The following PRKCE variants were observed in gnomAD, a reference collection of about 807,000 sequenced individuals.
PRKCE encodes protein kinase C epsilon.
Under a neutral mutation model 85.4 loss-of-function variants are expected in PRKCE, and 16 were observed. The ratio of observed to expected loss-of-function variants is 0.19; its 90% CI spans 0.13 to 0.28. The LOEUF is 0.28. Among genes scored for constraint, PRKCE ranks in the 10% least tolerant of loss-of-function variants. The pLI is 1.00. For synonymous variants in PRKCE, 388 were observed against 371.5 expected (o/e 1.04, Z -0.51); for missense variants, 573 against 975.2 (o/e 0.59, Z 5.49).
chr2:45,920,284 GCTTT>G (rs140535988), intron 2 of PRKCE, among the ~76,000 whole-genome samples: 1 of 152,328 alleles, frequency 6.6e-6, no homozygotes, highest in East Asian at 1.9e-4. Context: ...TCAGCTTGGG[GCTTT>G]CTAACTGCCC....
rs996220406 is a variant in PRKCE at position 45,895,064 on chromosome 2, C to T, written c.412+52001C>T. The stretch of plus-strand genomic sequence containing the variant: ...AACACATAAATGTCATCAATGATTC[C>T]GTCTCTACCTGGGTAAACTTCAGAA... On this transcript the variant is annotated intron_variant, in intron 2 of 14. Coordinates refer to ENST00000306156, the MANE Select transcript of PRKCE (RefSeq NM_005400.3). The surrounding 1 kb of genome is among the most constrained non-coding windows in gnomAD (Gnocchi z 4.8). Among the ~76,000 whole-genome samples, 8 of 152,304 alleles carry T rather than the reference C, an allele frequency of 5.3e-5. No homozygotes were observed. In the East Asian group the frequency reaches 5.8e-4, roughly 11 times the overall value.
intron 10 of PRKCE, among the ~76,000 whole-genome samples, chr2:46,081,034 C>T (rs532102847): frequency 1.7e-3 from 253 of 152,206 alleles, no homozygotes; most frequent in Non-Finnish European, 2.8e-3. Context: ...CCGTGTTGCC[C>T]AGGCTGGAGC....
chr2:45,737,595 A>G (rs1180332645), intron 1 of PRKCE, among the ~76,000 whole-genome samples: 2 of 151,834 alleles, frequency 1.3e-5, no homozygotes, highest in Non-Finnish European at 2.9e-5. Context: ...CTCGCCTGTG[A>G]TGTGTAGATG....
At chr2:46,012,835 G>A (rs1407475745) in intron 10 of PRKCE, among the ~76,000 whole-genome samples, 1 of 152,222 alleles carries the variant, frequency 6.6e-6, no homozygotes, top group Admixed American at 6.5e-5. Flanking sequence ...AGCTTTTGGA[G>A]CACAAAATGG....
intron 11 of PRKCE, among the ~76,000 whole-genome samples, chr2:46,129,587 G>A (rs965905514): frequency 6.6e-6 from 1 of 152,190 alleles, no homozygotes; most frequent in South Asian, 2.1e-4. Flanking sequence ...CTATGAAAAG[G>A]AGCAAGCTGA....
intron 10 of PRKCE, among the ~76,000 whole-genome samples, chr2:46,069,836 T>C (rs751009968): frequency 6.6e-6 from 1 of 152,236 alleles, no homozygotes; most frequent in Non-Finnish European, 1.5e-5. Context: ...TAGTTCCAGA[T>C]TGGCAATTTT....
chr2:46,034,461 T>G (rs1331921308), intron 10 of PRKCE, among the ~76,000 whole-genome samples: 1 of 152,216 alleles, frequency 6.6e-6, no homozygotes, highest in Non-Finnish European at 1.5e-5. Flanking sequence ...GGTCGGAGTA[T>G]CTTCCATTCC....
At chr2:45,757,216 G>A (rs1374428632) in intron 1 of PRKCE, among the ~76,000 whole-genome samples, 1 of 148,440 alleles carries the variant, frequency 6.7e-6, no homozygotes, top group Non-Finnish European at 1.5e-5. Flanking sequence ...GCTGAGGCAG[G>A]AGAATCACTT....
intron 14 of PRKCE, among the ~76,000 whole-genome samples, chr2:46,171,338 T>G (rs1678874728): frequency 6.6e-6 from 1 of 152,092 alleles, no homozygotes; most frequent in Non-Finnish European, 1.5e-5. Context: ...GACTTGGTGG[T>G]GATGGTGGCC....
intron 10 of PRKCE, among the ~76,000 whole-genome samples, chr2:46,052,816 C>G (rs1708938445): frequency 6.6e-6 from 1 of 152,190 alleles, no homozygotes; most frequent in Non-Finnish European, 1.5e-5. Flanking sequence ...TATAGGTCAA[C>G]AGAACAGAGT....
chr2:46,027,518 A>G (rs1322246835), intron 10 of PRKCE, among the ~76,000 whole-genome samples: 1 of 152,212 alleles, frequency 6.6e-6, no homozygotes, highest in Non-Finnish European at 1.5e-5. Flanking sequence ...TTTGATCTTT[A>G]AAATGCATAT....
intron 10 of PRKCE, among the ~76,000 whole-genome samples, chr2:46,083,170 C>T (rs1004580902): frequency 1.3e-5 from 2 of 152,196 alleles, no homozygotes; most frequent in Admixed American, 1.3e-4. Flanking sequence ...AGGTTGATCT[C>T]GATCTCCTGG....
intron 6 of PRKCE, among the ~76,000 whole-genome samples, chr2:45,988,317 A>G (rs753769024): frequency 1.3e-5 from 2 of 152,202 alleles, no homozygotes; most frequent in Non-Finnish European, 2.9e-5. Flanking sequence ...GGGATCCATG[A>G]GACTGTCCTG....
At chr2:45,769,555 A>G (rs7592092) in intron 1 of PRKCE, among the ~76,000 whole-genome samples, 21,328 of 152,074 alleles carry the variant, frequency 0.14, 4,999 homozygotes, top group African/African-American at 0.48. Flanking sequence ...AGAACTAACC[A>G]TTTTTCATCC....
chr2:46,026,536 A>C (rs1258369814), intron 10 of PRKCE, among the ~76,000 whole-genome samples: 2 of 152,198 alleles, frequency 1.3e-5, no homozygotes, highest in African/African-American at 4.8e-5. Context: ...ATGTAAGAAA[A>C]TATTTAGGTT....
At chr2:46,094,046 A>G (rs910445242) in intron 11 of PRKCE, among the ~76,000 whole-genome samples, 1 of 152,164 alleles carries the variant, frequency 6.6e-6, no homozygotes, top group Non-Finnish European at 1.5e-5. Flanking sequence ...ACTCTCTACA[A>G]ACTGTCCATA....
intron 1 of PRKCE, among the ~76,000 whole-genome samples, chr2:45,830,328 C>G (rs1376038492): frequency 1.3e-5 from 2 of 151,350 alleles, no homozygotes; most frequent in Non-Finnish European, 2.9e-5. Context: ...AATGAGAAAA[C>G]AGGAAGGCAC....
chr2:46,019,801 A>G (rs1344709895), intron 10 of PRKCE, among the ~76,000 whole-genome samples: 2 of 143,736 alleles, frequency 1.4e-5, no homozygotes, highest in Non-Finnish European at 3.0e-5. Context: ...ATATTTACCC[A>G]TTCTCCTAAA....
At chr2:46,016,711 C>G (rs1193956623) in intron 10 of PRKCE, among the ~76,000 whole-genome samples, 2 of 152,020 alleles carry the variant, frequency 1.3e-5, no homozygotes, top group Non-Finnish European at 2.9e-5. Flanking sequence ...GAATTCGAGA[C>G]CAGCCTGACC....
Sources: gnomAD v4.1 joint callset for allele counts (sites outside exome capture counted in the v4.1 genomes callset) on GRCh38, gnomAD v4.1.1 for gene constraint, Gnocchi (gnomAD v3.1) non-coding constraint, MANE v1.5 for transcripts, NCBI Gene and HGNC (gene_info 2026-07-23, HGNC 2026-07-21) for gene names.